The following PLCD4 variants were observed in gnomAD, a reference collection of about 807,000 sequenced individuals.
PLCD4 encodes phospholipase C delta 4, also known as 1-phosphatidylinositol 4,5-bisphosphate phosphodiesterase delta-4.
In PLCD4, 63 loss-of-function variants were observed where a neutral mutation model predicts 90.2. That is an observed-to-expected ratio of 0.70 (90% CI 0.57 to 0.86). The LOEUF is 0.86. PLCD4 is among the 40% of genes least tolerant of loss of function. The probability of loss-of-function intolerance (pLI) is 0.00; values close to 1 mark genes in which losing one functional copy is unlikely to be tolerated. For synonymous variants in PLCD4, 294 were observed against 356.5 expected (o/e 0.82, Z 1.97); for missense variants, 830 against 956.3 (o/e 0.87, Z 1.74).
chr2:218,622,964 G>A (rs1695952327), intron 6 of PLCD4, 86 bp downstream of exon 6: 1 of 1,221,304 alleles, frequency 8.2e-7, no homozygotes, highest in African/African-American at 1.5e-5. Context: ...GCAGCCATCT[G>A]CCTGAGAGAA....
At chr2:218,611,628 T>C (rs1695335493) in intron 1 of PLCD4, among the ~76,000 whole-genome samples, 1 of 152,164 alleles carries the variant, frequency 6.6e-6, no homozygotes, top group African/African-American at 2.4e-5. Context: ...TGAGAGAGTC[T>C]CACTCCGTCA....
At chr2:218,625,168 T>A (rs893304000) in intron 6 of PLCD4, among the ~76,000 whole-genome samples, 4 of 150,288 alleles carry the variant, frequency 2.7e-5, no homozygotes, top group Non-Finnish European at 5.9e-5. Context: ...GGATCTTTTG[T>A]TACCTGTGCA....
At chr2:218,618,553 G>T in intron 3 of PLCD4, 26 bp from the exon 4 acceptor site, 1 of 1,598,826 alleles carries the variant, frequency 6.3e-7, no homozygotes, top group South Asian at 1.1e-5. Context: ...CTTCCTTAAT[G>T]CCTCCACCTG....
Position 218,614,478 on chromosome 2 carries a change from C to T in PLCD4, c.-33-1229C>T, listed in dbSNP as rs558060647. ...TTTCCTCTTTTTATTGAGACAGAGT[C>T]TCGCTGTGTCGCCCAGGCTGGAGTG... On this transcript the variant is annotated intron_variant, in intron 1 of 15. Coordinates refer to ENST00000450993, the MANE Select transcript of PLCD4 (RefSeq NM_032726.4). Among the ~76,000 whole-genome samples, 376 of 151,548 alleles carry T rather than the reference C, an allele frequency of 2.5e-3. 2 individuals are homozygous for T. Among genetic ancestry groups the T allele is most frequent in the African/African-American group, 8.5e-3 (353 of 41,288 alleles).
chr2:218,632,015 C>T lies in PLCD4; in HGVS notation c.1273-121C>T, dbSNP rs1696400344. 6 of 1,042,442 alleles carry T rather than the reference C, an allele frequency of 5.8e-6. 1 individual carries two copies. The highest frequency in any genetic ancestry group is 5.4e-5 in the South Asian group (3 of 55,262). The allele number at this position is 1,042,442 out of a possible 1,614,324, so 64.6% of individuals were successfully genotyped here. The stretch of plus-strand genomic sequence containing the variant: ...TATGTATCAAGCAGCTAATCTCTTC[C>T]CTCGGGAACTTCCGACCACTCACTC... On this transcript the variant is annotated intron_variant, in intron 9 of 15. Coordinates refer to ENST00000450993, the MANE Select transcript of PLCD4 (RefSeq NM_032726.4).
In PLCD4 at chr2:218,635,743, G is replaced by A. The variant is rs963704058; in HGVS notation, c.1897-53G>A. 1.8e-5 allele frequency: 28 copies of A among 1,577,920 alleles called. No individual in the cohort carries two copies. The African/African-American group carries it at 3.0e-4, about 17-fold the overall frequency. ...CTCCCCTGGGGTTGGGAGTAGGGTC[G>A]GGTGGGGCTGGGCTGAGCAGGAACT... On this transcript the variant is annotated intron_variant, in intron 13 of 15. Transcript: ENST00000450993.
At chr2:218,608,377 A>T (rs1695183369) in intron 1 of PLCD4, among the ~76,000 whole-genome samples, 1 of 152,196 alleles carries the variant, frequency 6.6e-6, no homozygotes, top group Non-Finnish European at 1.5e-5. Flanking sequence ...GGAAGAAAAA[A>T]TTGGAGTAGC....
intron 3 of PLCD4, among the ~76,000 whole-genome samples, chr2:218,616,932 A>ATATATATATATATATG (rs1479684306): frequency 7.4e-5 from 1 of 13,544 alleles, no homozygotes; most frequent in Non-Finnish European, 1.4e-4. Context: ...ATATATAGAG[A>ATATATATATATATATG]GAGAGAGAGA....
chr2:218,610,860 G>A (rs567121874), intron 1 of PLCD4, among the ~76,000 whole-genome samples: 27 of 151,776 alleles, frequency 1.8e-4, no homozygotes, highest in Non-Finnish European at 3.7e-4. Context: ...CCCAAGTAGC[G>A]GAGATTATAG....
chr2:218,608,280 G>A (rs914248799), intron 1 of PLCD4, among the ~76,000 whole-genome samples: 6 of 152,154 alleles, frequency 3.9e-5, no homozygotes, highest in East Asian at 1.9e-4. Flanking sequence ...TGTGTCAGTC[G>A]CCCTTTATAT....
At chr2:218,621,348 G>T (rs1695869950) in intron 4 of PLCD4, 122 bp from the exon 5 acceptor site, 3 of 1,153,544 alleles carry the variant, frequency 2.6e-6, no homozygotes, top group Non-Finnish European at 3.8e-6. Flanking sequence ...GTGGAGAATG[G>T]ATTGGCACCG....
chr2:218,622,929 A>G, intron 6 of PLCD4, 51 bp downstream of exon 6: 1 of 1,501,102 alleles, frequency 6.7e-7, no homozygotes, highest in Non-Finnish European at 9.1e-7. Context: ...GGAGAGAGGG[A>G]CATGATTACA....
At chr2:218,629,458 C>T in intron 7 of PLCD4, 61 bp from the exon 8 acceptor site, 1 of 1,585,364 alleles carries the variant, frequency 6.3e-7, no homozygotes, top group Non-Finnish European at 8.6e-7. Flanking sequence ...GGGGAGAGTC[C>T]CTAGGTAGAA....
At position 218,618,716 on chromosome 2, in the gene PLCD4, A is replaced by C; in HGVS notation, c.319A>C (p.Asn107His). Residue 107 changes from asparagine to histidine, a missense_variant, in exon 4 of 16, where the codon AAC becomes CAC. By Grantham distance (68) the Asn-to-His change is moderately conservative (BLOSUM62 1). Coordinates refer to ENST00000450993, the MANE Select transcript of PLCD4 (RefSeq NM_032726.4). The part of the protein sequence containing the change: ...GRRSNLDLMA[N>H]SVEEAQIWMR... Reference sequence around the variant, plus strand: ...CCGCTCCAACCTGGACCTGATGGCCAACAGTGTTGAGGAGGCCCAGATATG... The same window carrying C: ...CCGCTCCAACCTGGACCTGATGGCCCACAGTGTTGAGGAGGCCCAGATATG... 1 of 1,613,394 alleles carries C rather than the reference A, an allele frequency of 6.2e-7. No homozygotes were observed. The highest frequency in any genetic ancestry group is 1.3e-5 in the African/African-American group (1 of 75,038).
intron 5 of PLCD4, 80 bp downstream of exon 5, chr2:218,621,679 C>T: frequency 1.9e-6 from 3 of 1,543,038 alleles, no homozygotes; most frequent in East Asian, 2.3e-5. Context: ...CCCCAGTCCA[C>T]AACACTCAAT....
chr2:218,621,378 AAG>A (rs1018931622), intron 4 of PLCD4, 90 bp from the exon 5 acceptor site: 6 of 1,450,748 alleles, frequency 4.1e-6, no homozygotes, highest in East Asian at 2.3e-5. Flanking sequence ...ACTGGCAGGA[AAG>A]AGAGGGGAGA....
In PLCD4 at chr2:218,618,689, C is replaced by A; in HGVS notation, c.292C>A (p.Arg98Ser). The change falls in exon 4 of 16, where the codon CGC (arginine) becomes AGC (serine). Residue 98 changes from arginine to serine, a missense_variant. Transcript: ENST00000450993. ...GGGCTTCACCATTGTCTTCCATGGC[C>A]GCCGCTCCAACCTGGACCTGATGGC... ...EQGFTIVFHG[R>S]RSNLDLMANS... The A allele has an allele frequency of 6.2e-7, 1 of 1,613,898 alleles. No individual in the cohort carries two copies. Among genetic ancestry groups the A allele is most frequent in the East Asian group, 2.2e-5 (1 of 44,880 alleles).
rs1696190537 is a variant in PLCD4, at chr2:218,628,022, A to C, written c.773-7A>C. On this transcript the variant is annotated splice_region_variant and splice_polypyrimidine_tract_variant and intron_variant, in intron 6 of 15. Coordinates refer to ENST00000450993, the MANE Select transcript of PLCD4 (RefSeq NM_032726.4). ...TCTCACCTAGTGTTCCCCTGTCCAC[A>C]CTCCAGGCAAACTGCGGCATGTGCT... The C allele has an allele frequency of 6.2e-7, 1 of 1,610,286 alleles. No homozygotes were observed. The highest frequency in any genetic ancestry group is 1.3e-5 in the African/African-American group (1 of 74,768).
In PLCD4 at chr2:218,622,858, G is replaced by A. The variant is rs184719765; in HGVS notation, c.752G>A (p.Arg251His). The A allele has an allele frequency of 8.7e-5, 140 of 1,613,730 alleles. No homozygotes were observed. The Middle Eastern group carries it at 2.0e-3, about 23-fold the overall frequency. Reference protein sequence around the residue: ...TSELALELIDRYEPSDSGKLR... With the variant: ...TSELALELIDHYEPSDSGKLR... ...GAGCTTGCTCTGGAACTCATTGACC[G>A]CTATGAACCTTCAGACAGTGGTAAG... Residue 251 changes from arginine (R) to histidine (H), a missense_variant, in exon 6 of 16, where the codon CGC (arginine) becomes CAC (histidine). By Grantham distance (29) the Arg-to-His change is conservative. Transcript: ENST00000450993.
Sources: gnomAD v4.1 joint callset for allele counts (sites outside exome capture counted in the v4.1 genomes callset) on GRCh38, gnomAD v4.1.1 for gene constraint, MANE v1.5 for transcripts, NCBI Gene and HGNC (gene_info 2026-07-23, HGNC 2026-07-21) for gene names.